FOXN3: variants seen among roughly 807,000 people sequenced by gnomAD.
FOXN3 encodes the protein forkhead box N3, also known as forkhead box protein N3.
In FOXN3, 7 loss-of-function variants were observed where a neutral mutation model predicts 38.4. That is an observed-to-expected ratio of 0.18 (90% CI 0.10 to 0.34). The LOEUF is 0.34. FOXN3 is among the 10% of genes least tolerant of loss of function. FOXN3 has a pLI of 1.00. For missense variants in FOXN3, 456 were observed against 613.4 expected (o/e 0.74, Z 2.71); for synonymous variants, 230 against 242.2 (o/e 0.95, Z 0.47).
intron 1 of FOXN3, among the ~76,000 whole-genome samples, chr14:89,505,446 C>T (rs1893898339): frequency 6.6e-6 from 1 of 152,222 alleles, no homozygotes; most frequent in Middle Eastern, 3.4e-3. Flanking sequence ...GACTGGTTTT[C>T]GTATTTTTTT....
At chr14:89,473,094 A>G (rs1198978933) in intron 1 of FOXN3, among the ~76,000 whole-genome samples, 2 of 151,958 alleles carry the variant, frequency 1.3e-5, no homozygotes, top group African/African-American at 2.4e-5. Context: ...GCGCGATCTC[A>G]GCTCACTGTA....
At chr14:89,434,899 C>G (rs184615370) in intron 1 of FOXN3, among the ~76,000 whole-genome samples, 2,751 of 152,270 alleles carry the variant, frequency 0.018, 37 homozygotes, top group Non-Finnish European at 0.028. Flanking sequence ...ACACCACTGA[C>G]CCTCACACCA....
At chr14:89,511,565 T>C (rs1894093859) in intron 1 of FOXN3, among the ~76,000 whole-genome samples, 1 of 152,012 alleles carries the variant, frequency 6.6e-6, no homozygotes, top group Admixed American at 6.6e-5. Flanking sequence ...ATAACTCACA[T>C]TTTAACTCAC....
chr14:89,334,084 TC>T (rs1304855527), intron 3 of FOXN3, among the ~76,000 whole-genome samples: 1 of 148,658 alleles, frequency 6.7e-6, no homozygotes, highest in African/African-American at 2.5e-5. Context: ...AAGAAGGAAA[TC>T]CTGCCATTTT....
At chr14:89,487,772 G>GACCGTGTTATTTCTT (rs1893479329) in intron 1 of FOXN3, among the ~76,000 whole-genome samples, 1 of 152,138 alleles carries the variant, frequency 6.6e-6, no homozygotes, top group East Asian at 1.9e-4. Flanking sequence ...AATACTGGCA[G>GACCGTGTTATTTCTT]ACCGTGTTAT....
chr14:89,389,476 T>C (rs952770322), intron 2 of FOXN3, among the ~76,000 whole-genome samples: 1 of 152,226 alleles, frequency 6.6e-6, no homozygotes, highest in Non-Finnish European at 1.5e-5. Flanking sequence ...GCCAATTGAT[T>C]TCCCTCTTTC....
intron 1 of FOXN3, among the ~76,000 whole-genome samples, chr14:89,565,861 C>T (rs1251956039): frequency 6.6e-6 from 1 of 152,182 alleles, no homozygotes; most frequent in African/African-American, 2.4e-5. Flanking sequence ...ATGCTGGGAG[C>T]TGCCAAACGC....
At chr14:89,234,170 G>A (rs1884909115) in intron 4 of FOXN3, among the ~76,000 whole-genome samples, 1 of 152,196 alleles carries the variant, frequency 6.6e-6, no homozygotes. Flanking sequence ...TCTAGTACAG[G>A]GGTATTTCGT....
intron 1 of FOXN3, among the ~76,000 whole-genome samples, chr14:89,594,555 G>A (rs1896020199): frequency 6.6e-6 from 1 of 152,054 alleles, no homozygotes; most frequent in South Asian, 2.1e-4. Context: ...TTTTTCTACG[G>A]GGCTATTTTG....
At chr14:89,424,682 G>C (rs1173804142) in intron 1 of FOXN3, among the ~76,000 whole-genome samples, 1 of 149,464 alleles carries the variant, frequency 6.7e-6, no homozygotes, top group African/African-American at 2.5e-5. Context: ...TTCAAGACCA[G>C]CCTGACAACA....
intron 1 of FOXN3, among the ~76,000 whole-genome samples, chr14:89,439,626 C>A (rs1596274077): frequency 6.6e-6 from 1 of 151,398 alleles, no homozygotes; most frequent in African/African-American, 2.4e-5. Context: ...CTCAGGGCTG[C>A]TCTGCCCATG....
At chr14:89,246,103 C>A (rs953663338) in intron 4 of FOXN3, among the ~76,000 whole-genome samples, 1 of 151,502 alleles carries the variant, frequency 6.6e-6, no homozygotes, top group Non-Finnish European at 1.5e-5. Flanking sequence ...CACAACTCTG[C>A]GAAAAAAAAC....
intron 1 of FOXN3, among the ~76,000 whole-genome samples, chr14:89,580,304 C>T (rs992606324): frequency 2.6e-5 from 4 of 152,186 alleles, no homozygotes; most frequent in Admixed American, 6.5e-5. Flanking sequence ...TTCCAGATTA[C>T]AAGGTGTTCT....
At chr14:89,192,735 A>G (rs901217796) in intron 4 of FOXN3, among the ~76,000 whole-genome samples, 4 of 146,194 alleles carry the variant, frequency 2.7e-5, no homozygotes, top group African/African-American at 9.9e-5. Context: ...AATAGTTAAT[A>G]TATGTATACT....
chr14:89,198,163 G>A (rs1233512523), intron 4 of FOXN3, among the ~76,000 whole-genome samples: 4 of 152,160 alleles, frequency 2.6e-5, no homozygotes, highest in East Asian at 1.9e-4. Context: ...GTAGTGAGAT[G>A]ATGGCCGCGT....
chr14:89,450,956 C>T (rs1453753133), intron 1 of FOXN3, among the ~76,000 whole-genome samples: 1 of 152,154 alleles, frequency 6.6e-6, no homozygotes, highest in Admixed American at 6.5e-5. Flanking sequence ...TCCTAGGTAT[C>T]CATGGGACAC....
rs112255280 is a variant in FOXN3, at chr14:89,178,278, G to A, written c.851+2423C>T. Reference sequence around the variant, plus strand: ...CACCCGCCGGAGCCTCTCAGTGTTGGGATTACAGGCGTGAGCCAATGTGCC... The same window carrying A: ...CACCCGCCGGAGCCTCTCAGTGTTGAGATTACAGGCGTGAGCCAATGTGCC... On this transcript the variant is annotated intron_variant, in intron 5 of 5. Coordinates refer to ENST00000557258, the MANE Select transcript of FOXN3 (RefSeq NM_005197.4). Among the ~76,000 whole-genome samples, 715 of 152,084 alleles carry A rather than the reference G, an allele frequency of 4.7e-3. 8 individuals carry two copies. Among genetic ancestry groups the A allele is most frequent in the African/African-American group, 0.016 (677 of 41,484 alleles).
At chr14:89,506,246 T>C (rs76537232) in intron 1 of FOXN3, among the ~76,000 whole-genome samples, 14 of 30,346 alleles carry the variant, frequency 4.6e-4, no homozygotes, top group East Asian at 7.6e-4. Flanking sequence ...GCCCCTCTGC[T>C]CGGCCAGCCG....
At chr14:89,501,416 G>A (rs577499289) in intron 1 of FOXN3, among the ~76,000 whole-genome samples, 2 of 152,152 alleles carry the variant, frequency 1.3e-5, no homozygotes, top group Admixed American at 1.3e-4. Flanking sequence ...GGCAGAAACC[G>A]AGGGTTTTTC....
Sources: gnomAD v4.1 joint callset for allele counts (sites outside exome capture counted in the v4.1 genomes callset) on GRCh38, gnomAD v4.1.1 for gene constraint, MANE v1.5 for transcripts, NCBI Gene and HGNC (gene_info 2026-07-23, HGNC 2026-07-21) for gene names.